AMACR: variants seen among roughly 807,000 people sequenced by gnomAD.
The protein encoded by AMACR is 2-methylacyl-CoA racemase.
AMACR carries 18 observed loss-of-function variants against 22.2 expected under a neutral mutation model. That is an observed-to-expected ratio of 0.81 (90% CI 0.56 to 1.20). The LOEUF is 1.20. AMACR is among the 50% of genes most tolerant of loss of function. AMACR has a pLI of 0.00. For synonymous variants in AMACR, 213 were observed against 191.3 expected (o/e 1.11, Z -0.94); for missense variants, 499 against 490.6 (o/e 1.02, Z -0.16).
At chr5:33,992,410 T>C (rs577657512) in intron 4 of AMACR, among the ~76,000 whole-genome samples, 2 of 150,608 alleles carry the variant, frequency 1.3e-5, no homozygotes, top group East Asian at 3.9e-4. Flanking sequence ...TTATAAATTG[T>C]AAAACAGAAA....
chr5:34,006,775 T>G (rs112368807), intron 1 of AMACR, among the ~76,000 whole-genome samples: 1 of 152,276 alleles, frequency 6.6e-6, no homozygotes. Context: ...CGCATTTAAA[T>G]AAGCCGGCTG....
intron 3 of AMACR, among the ~76,000 whole-genome samples, chr5:34,000,143 C>T (rs574074275): frequency 6.6e-6 from 1 of 152,260 alleles, no homozygotes; most frequent in South Asian, 2.1e-4. Flanking sequence ...TGAGGAAAAC[C>T]TTTGTTCTGC....
At position 33,988,588 on chromosome 5, in the gene AMACR, T is replaced by G; in HGVS notation, c.*505A>C. The G allele has an allele frequency of 7.5e-7, 1 of 1,336,228 alleles. No individual in the cohort carries two copies. Among genetic ancestry groups the G allele is most frequent in the South Asian group, 1.9e-5 (1 of 51,762 alleles). 82.8% of individuals were successfully genotyped at this position (1,336,228 alleles called of 1,614,324 possible). ...TTTCTTTGCAAATTACAAAGTGTGA[T>G]AACTGTTGCTAAAGTTTGGAATGTG... On this transcript the variant is annotated 3_prime_UTR_variant, in exon 5 of 5. Transcript: ENST00000335606.
Position 33,998,720 on chromosome 5 carries a change from A to G in AMACR, c.660T>C (p.Tyr220=). The change falls in exon 4 of 5, where the codon TAT becomes TAC. Residue 220 remains tyrosine, a synonymous_variant. Coordinates refer to ENST00000335606, the MANE Select transcript of AMACR (RefSeq NM_014324.6). ...CCCCATCTGCTGTCCTGTAAGTCGT[A>G]TAGAAAGGTGCTCCACCATCCAACA... ...QNMLDGGAPF[Y]TTYRTADGEF... is the part of the protein sequence containing the mutation. The G allele has an allele frequency of 6.2e-7, 1 of 1,614,140 alleles. No homozygotes were observed. The highest frequency in any genetic ancestry group is 1.6e-4 in the Middle Eastern group (1 of 6,062).
rs534508331 is a variant in AMACR, at chr5:33,986,746, A to G, written c.*2347T>C. The G allele has an allele frequency of 6.6e-6, 1 of 152,374 alleles. No homozygotes were observed. The highest frequency in any genetic ancestry group is 1.9e-4 in the East Asian group (1 of 5,182). 9.4% of individuals were successfully genotyped at this position (152,374 alleles called of 1,614,324 possible). Reference sequence around the variant, plus strand: ...ATTACTGCCAGTGTCTATGTCTCCAAGGTGGGTGCAGCAACTTTGGCTTCT... The same window carrying G: ...ATTACTGCCAGTGTCTATGTCTCCAGGGTGGGTGCAGCAACTTTGGCTTCT... On this transcript the variant is annotated 3_prime_UTR_variant, in exon 5 of 5. Transcript: ENST00000335606.
chr5:33,988,995 G>A lies in AMACR; in HGVS notation c.*98C>T. The A allele has an allele frequency of 6.4e-7, 1 of 1,573,668 alleles. No homozygotes were observed. The highest frequency in any genetic ancestry group is 8.6e-7 in the Non-Finnish European group (1 of 1,160,354). On this transcript the variant is annotated 3_prime_UTR_variant, in exon 5 of 5. Coordinates refer to ENST00000335606, the MANE Select transcript of AMACR (RefSeq NM_014324.6). Reference sequence around the variant, plus strand: ...TTCTTGATTAGAGTGGTAGGACACTGTAATACTGTTCCTCCATGTTTCCAT... The same window carrying A: ...TTCTTGATTAGAGTGGTAGGACACTATAATACTGTTCCTCCATGTTTCCAT...
chr5:33,993,243 G>A (rs1273805156), intron 4 of AMACR, among the ~76,000 whole-genome samples: 1 of 152,116 alleles, frequency 6.6e-6, no homozygotes, highest in Non-Finnish European at 1.5e-5. Flanking sequence ...CTGTTGTAAC[G>A]TGTTGGAATT....
intron 4 of AMACR, among the ~76,000 whole-genome samples, chr5:33,997,913 C>T (rs1454308188): frequency 1.3e-5 from 2 of 152,182 alleles, no homozygotes; most frequent in African/African-American, 4.8e-5. Context: ...AGCTACCAAA[C>T]GTAACAATGA....
Position 33,987,144 on chromosome 5 carries a change from T to G in AMACR, c.*1949A>C, listed in dbSNP as rs1436330314. 1 of 152,180 alleles carries G rather than the reference T, an allele frequency of 6.6e-6. No individual in the cohort carries two copies. Among genetic ancestry groups the G allele is most frequent in the African/African-American group, 2.4e-5 (1 of 41,352 alleles). 9.4% of individuals were successfully genotyped at this position (152,180 alleles called of 1,614,324 possible). The stretch of plus-strand genomic sequence containing the variant: ...GTGATCCTCCTGCCCCACCCTTGAG[T>G]AGATAGGACTACAGGCACACACCAC... On this transcript the variant is annotated 3_prime_UTR_variant, in exon 5 of 5. Coordinates refer to ENST00000335606, the MANE Select transcript of AMACR (RefSeq NM_014324.6).
Position 33,989,126 on chromosome 5 carries a change from G to T in AMACR, c.1116C>A (p.Ile372=). 8 of 1,614,148 alleles carry T rather than the reference G, an allele frequency of 5.0e-6. No homozygotes were observed. Among genetic ancestry groups the T allele is most frequent in the South Asian group, 1.1e-5 (1 of 91,054 alleles). The change falls in exon 5 of 5, where the codon ATC becomes ATA. Residue 372 remains isoleucine, a synonymous_variant. Transcript: ENST00000335606. ...TAGCTTTTACCTTATTACTTTCAAT[G>T]ATTTTATCTGAGTTAAGCTGATAAA... is the stretch of plus-strand genomic sequence containing the variant. ...EEIYQLNSDK[I]IESNKVKASL
At chr5:34,000,346 C>G (rs1035679260) in intron 3 of AMACR, among the ~76,000 whole-genome samples, 1 of 152,174 alleles carries the variant, frequency 6.6e-6, no homozygotes, top group Non-Finnish European at 1.5e-5. Flanking sequence ...GCAGAGAGTT[C>G]TGAATACTGT....
At chr5:33,999,843 G>A (rs527278877) in intron 3 of AMACR, among the ~76,000 whole-genome samples, 54 of 152,326 alleles carry the variant, frequency 3.5e-4, no homozygotes, top group African/African-American at 1.3e-3. Context: ...AAATAGCTGA[G>A]TTCATGCAAG....
At chr5:34,006,229 A>C (rs1405239270) in intron 1 of AMACR, among the ~76,000 whole-genome samples, 2 of 152,224 alleles carry the variant, frequency 1.3e-5, no homozygotes, top group Non-Finnish European at 2.9e-5. Context: ...TGTTTACCAC[A>C]TCCCACCTTA....
At chr5:34,004,382 C>A (rs953346401) in intron 3 of AMACR, among the ~76,000 whole-genome samples, 192 bp downstream of exon 3, 1 of 152,116 alleles carries the variant, frequency 6.6e-6, no homozygotes, top group African/African-American at 2.4e-5. Context: ...GACAGATGAT[C>A]AAAATATGAC....
chr5:33,993,259 GT>G (rs1437470637), intron 4 of AMACR, among the ~76,000 whole-genome samples: 1 of 151,992 alleles, frequency 6.6e-6, no homozygotes, highest in African/African-American at 2.4e-5. Context: ...GAATTTTCTT[GT>G]TTTTTTCAGG....
chr5:33,996,791 CA>C (rs1753649692), intron 4 of AMACR, among the ~76,000 whole-genome samples: 1 of 139,004 alleles, frequency 7.2e-6, no homozygotes, highest in African/African-American at 3.2e-5. Flanking sequence ...AACAAACAAG[CA>C]AACAAAAAAA....
chr5:33,992,089 C>T (rs529330771), intron 4 of AMACR, among the ~76,000 whole-genome samples: 25 of 152,100 alleles, frequency 1.6e-4, no homozygotes, highest in South Asian at 1.0e-3. Context: ...CTATGTTGGC[C>T]GGGCTGGTCT....
At position 34,003,831 on chromosome 5, in the gene AMACR, T is replaced by G. The variant is rs528622921; in HGVS notation, c.552+743A>C. Among the ~76,000 whole-genome samples, 3 of 152,326 alleles carry G rather than the reference T, an allele frequency of 2.0e-5. No individual in the cohort carries two copies. The East Asian group carries it at 5.8e-4, about 29-fold the overall frequency. On this transcript the variant is annotated intron_variant, in intron 3 of 4. Coordinates refer to ENST00000335606, the MANE Select transcript of AMACR (RefSeq NM_014324.6). ...TCTCTGTACCTCCAGTCTTGTCTCCTCAGATCCATTCTCCATCCCACCTCC... is the reference window on the plus strand; with the variant it reads ...TCTCTGTACCTCCAGTCTTGTCTCCGCAGATCCATTCTCCATCCCACCTCC...
intron 4 of AMACR, among the ~76,000 whole-genome samples, chr5:33,995,428 T>C (rs1246849972): frequency 2.0e-5 from 3 of 152,212 alleles, no homozygotes; most frequent in Non-Finnish European, 4.4e-5. Flanking sequence ...AGAATGAATC[T>C]TATATTCATG....
Sources: gnomAD v4.1 joint callset for allele counts (sites outside exome capture counted in the v4.1 genomes callset) on GRCh38, gnomAD v4.1.1 for gene constraint, MANE v1.5 for transcripts, NCBI Gene and HGNC (gene_info 2026-07-23, HGNC 2026-07-21) for gene names.